The following RIMS3 variants were observed in gnomAD, a reference collection of about 807,000 sequenced individuals.
RIMS3 encodes the protein regulating synaptic membrane exocytosis protein 3.
RIMS3 carries 15 observed loss-of-function variants against 29.2 expected under a neutral mutation model. The observed-to-expected ratio is 0.51, with a 90% CI of 0.34 to 0.79. The LOEUF is 0.79. Among genes scored for constraint, RIMS3 ranks in the 30% least tolerant of loss-of-function variants. RIMS3 has a pLI of 0.01. For synonymous variants in RIMS3, 161 were observed against 170.1 expected, an observed-to-expected ratio of 0.95 and a Z score of 0.41; for missense variants, 342 against 421.4, an observed-to-expected ratio of 0.81 and a Z score of 1.65.
At chr1:40,691,738 C>G in the RIMS3 span, 1,698 of 455,546 alleles carry the variant, frequency 3.7e-3, 16 homozygotes, top group African/African-American at 0.021. Context: ...CTTGTGCCCC[C>G]GCTTCGCGCG....
chr1:40,640,163 C>T (rs1400181298), intron 3 of RIMS3, among the ~76,000 whole-genome samples: 1 of 152,124 alleles, frequency 6.6e-6, no homozygotes, highest in East Asian at 1.9e-4. Flanking sequence ...CTCCCGGGGT[C>T]CAACACCTCC....
chr1:40,689,406 C>T, the RIMS3 span, among the ~76,000 whole-genome samples: 2 of 152,124 alleles, frequency 1.3e-5, no homozygotes, highest in African/African-American at 2.4e-5. Flanking sequence ...CTCAGCCTCC[C>T]GAGTAGCTGG....
chr1:40,671,254 G>A, the RIMS3 span, among the ~76,000 whole-genome samples: 1 of 152,178 alleles, frequency 6.6e-6, no homozygotes, highest in Admixed American at 6.5e-5. Context: ...TGGGGGGGAT[G>A]CTGATTCTGG....
rs1646521329 is a variant in RIMS3, at chr1:40,636,506, C to T, written c.218-449G>A. On this transcript the variant is annotated intron_variant, in intron 3 of 7. Coordinates refer to ENST00000372684, the MANE Select transcript of RIMS3 (RefSeq NM_014747.3). This position sits in a 1 kb window ranked among gnomAD's most constrained non-coding sequence, Gnocchi z 4.2. ...TTCCCTCTTTCAGGCACCCTCAGAC[C>T]CTATCACACCCAGACCTCACAACTC... 6.6e-6 allele frequency among the ~76,000 whole-genome samples: 1 copy of T among 152,136 alleles called. No homozygotes were observed. The highest frequency in any genetic ancestry group is 2.4e-5 in the African/African-American group (1 of 41,428).
At chr1:40,690,025 AG>A in the RIMS3 span, among the ~76,000 whole-genome samples, 3 of 152,176 alleles carry the variant, frequency 2.0e-5, no homozygotes, top group Non-Finnish European at 4.4e-5. Flanking sequence ...TATCACTCTT[AG>A]CTAATTTCCT....
At position 40,629,288 on chromosome 1, in the gene RIMS3, C is replaced by T. The variant is rs779064598; in HGVS notation, c.557G>A (p.Gly186Asp). 1.9e-6 allele frequency: 3 copies of T among 1,613,964 alleles called. No homozygotes were observed. The African/African-American group carries it at 4.0e-5, about 22-fold the overall frequency. The change falls in exon 6 of 8, where the codon GGC (glycine) becomes GAC (aspartate). Residue 186 changes from glycine to aspartate, a missense_variant. By Grantham distance (94) the Gly-to-Asp change is moderately conservative (BLOSUM62 -1). Coordinates refer to ENST00000372684, the MANE Select transcript of RIMS3 (RefSeq NM_014747.3). ...TCCCTCACCTGGGAGGGATTTGGAG[C>T]CTGGTTTGGGGGTCAGGCCCCGAGC... ...IEARGLTPKP[G>D]SKSLPATYIK...
Position 40,645,819 on chromosome 1 carries a change from T to C in RIMS3, c.-32+1849A>G, listed in dbSNP as rs183505385. Among the ~76,000 whole-genome samples, 7 of 152,300 alleles carry C rather than the reference T, an allele frequency of 4.6e-5. No homozygotes were observed. In the East Asian group the frequency reaches 1.2e-3, roughly 25 times the overall value. On this transcript the variant is annotated intron_variant, in intron 2 of 7. Transcript: ENST00000372684. ...TAAATGGAATTGACAAGCAGTTGGT[T>C]TGGCATCAAGGTCTCTGCACCATCC... is the stretch of plus-strand genomic sequence containing the variant.
At chr1:40,646,908 T>A (rs1303296274) in intron 2 of RIMS3, among the ~76,000 whole-genome samples, 1 of 148,812 alleles carries the variant, frequency 6.7e-6, no homozygotes, top group Non-Finnish European at 1.5e-5. Flanking sequence ...TGAGATGGAG[T>A]CTTGCTCTGT....
At chr1:40,644,907 G>A (rs1646584809) in intron 2 of RIMS3, among the ~76,000 whole-genome samples, 1 of 152,248 alleles carries the variant, frequency 6.6e-6, no homozygotes, top group Admixed American at 6.5e-5. Flanking sequence ...AGGGGAGGGA[G>A]AATGGGTGAA....
the RIMS3 span, among the ~76,000 whole-genome samples, chr1:40,686,173 T>C: frequency 2.0e-5 from 3 of 151,754 alleles, no homozygotes; most frequent in African/African-American, 7.3e-5. Context: ...TAGAGTGCCA[T>C]TACCAGTTGA....
intron 2 of RIMS3, among the ~76,000 whole-genome samples, chr1:40,642,612 C>T (rs889698726): frequency 3.4e-4 from 52 of 152,180 alleles, no homozygotes; most frequent in African/African-American, 1.2e-3. Context: ...TTTAAAATAA[C>T]TGAACTCATA....
chr1:40,626,104 A>G lies in RIMS3; in HGVS notation c.*413T>C. ...GACCACCAGGAGCAGGCACAGGTGA[A>G]GAACACACAGGCTCTGCCCCAGGCC... On this transcript the variant is annotated 3_prime_UTR_variant, in exon 8 of 8. Transcript: ENST00000372684. 1 of 251,290 alleles carries G rather than the reference A, an allele frequency of 4.0e-6. No individual in the cohort carries two copies. Among genetic ancestry groups the G allele is most frequent in the Non-Finnish European group, 7.9e-6 (1 of 127,244 alleles). 15.6% of individuals were successfully genotyped at this position (251,290 alleles called of 1,614,324 possible).
chr1:40,665,927 T>A (rs1366403283), upstream of RIMS3, among the ~76,000 whole-genome samples: 1 of 152,122 alleles, frequency 6.6e-6, no homozygotes, highest in Non-Finnish European at 1.5e-5. Context: ...CGGCCTCCCC[T>A]CTCCACCACC....
At chr1:40,643,723 C>A (rs12133630) in intron 2 of RIMS3, among the ~76,000 whole-genome samples, 40,619 of 152,082 alleles carry the variant, frequency 0.27, 5,904 homozygotes, top group Non-Finnish European at 0.33. Context: ...AAGTGATCCA[C>A]CCACCTCGGC....
Position 40,625,320 on chromosome 1 carries a change from G to C in RIMS3, c.*1197C>G, listed in dbSNP as rs888956107. 2 of 152,842 alleles carry C rather than the reference G, an allele frequency of 1.3e-5. No homozygotes were observed. The highest frequency in any genetic ancestry group is 2.9e-5 in the Non-Finnish European group (2 of 68,224). 9.5% of individuals were successfully genotyped at this position (152,842 alleles called of 1,614,324 possible). ...AGCCCGGAGGGGTAAGTATTGCTTA[G>C]ACAGAGCTGGTGATGGTGGCAGACG... On this transcript the variant is annotated 3_prime_UTR_variant, in exon 8 of 8. Transcript: ENST00000372684.
intron 5 of RIMS3, among the ~76,000 whole-genome samples, chr1:40,631,115 G>A (rs1646486355): frequency 6.6e-6 from 1 of 152,190 alleles, no homozygotes; most frequent in Non-Finnish European, 1.5e-5. Context: ...GAGTGGGGAC[G>A]TGTGGGTCAG....
chr1:40,639,355 C>T (rs1297807243), intron 3 of RIMS3, among the ~76,000 whole-genome samples: 1 of 152,186 alleles, frequency 6.6e-6, no homozygotes, highest in Non-Finnish European at 1.5e-5. Flanking sequence ...AGCTGGGATA[C>T]TGGCATCCTC....
At chr1:40,657,811 T>C (rs116533924) in intron 1 of RIMS3, among the ~76,000 whole-genome samples, 1,834 of 150,818 alleles carry the variant, frequency 0.012, 54 homozygotes, top group African/African-American at 0.043. Flanking sequence ...TCCCAACTTC[T>C]TGGGAGGATC....
At chr1:40,682,692 A>C in the RIMS3 span, among the ~76,000 whole-genome samples, 1 of 148,988 alleles carries the variant, frequency 6.7e-6, no homozygotes, top group Non-Finnish European at 1.5e-5. Context: ...TAATTCACTC[A>C]TAGTCCCTTA....
Sources: allele counts gnomAD v4.1 joint callset (sites outside exome capture counted in the v4.1 genomes callset), GRCh38; gene constraint gnomAD v4.1.1; non-coding constraint Gnocchi (gnomAD v3.1); transcripts MANE v1.5; gene names NCBI Gene and HGNC (gene_info 2026-07-23, HGNC 2026-07-21).